POM121: variants seen among roughly 807,000 people sequenced by gnomAD.
POM121 encodes nuclear envelope pore membrane protein POM 121.
POM121 carries 32 observed loss-of-function variants against 81.3 expected under a neutral mutation model. That is an observed-to-expected ratio of 0.39 (90% CI 0.30 to 0.53). The LOEUF is 0.53. Ranked by LOEUF, POM121 falls within the 20% of genes least tolerant of loss-of-function variation. The pLI, the probability that POM121 is intolerant of heterozygous loss-of-function variation, is 0.66. For synonymous variants in POM121, 514 were observed against 694.2 expected, an observed-to-expected ratio of 0.74 and a Z score of 4.08; for missense variants, 1,138 against 1,614.6, an observed-to-expected ratio of 0.70 and a Z score of 5.06.
chr7:72,879,791 G>A (rs1789944520), exon 1 of POM121: 1 of 497,976 alleles, frequency 2.0e-6, no homozygotes, highest in Non-Finnish European at 4.0e-6. Context: ...GAGGTGGACG[G>A]GAGGGGACTT....
chr7:72,936,341 CT>C (rs552346464), intron 5 of POM121, among the ~76,000 whole-genome samples: 91 of 145,570 alleles, frequency 6.3e-4, no homozygotes, highest in Non-Finnish European at 7.1e-4. Flanking sequence ...TTTTGTATTC[CT>C]TTTTTTTTTT....
intron 4 of POM121, among the ~76,000 whole-genome samples, chr7:72,919,592 C>T (rs1483541837): frequency 2.6e-5 from 4 of 152,074 alleles, no homozygotes; most frequent in African/African-American, 9.7e-5. Flanking sequence ...AGCAAACCTC[C>T]CAGGCTCAGC....
At chr7:72,884,488 AATATATATTT>A (rs1790482343) in intron 1 of POM121, among the ~76,000 whole-genome samples, 1 of 22,624 alleles carries the variant, frequency 4.4e-5, no homozygotes, top group Non-Finnish European at 8.5e-5. Context: ...ATATACATAT[AATATATATTT>A]GATAGCAAAT....
chr7:72,898,507 C>T (rs1365978244), intron 3 of POM121, among the ~76,000 whole-genome samples: 1 of 152,034 alleles, frequency 6.6e-6, no homozygotes, highest in Non-Finnish European at 1.5e-5. Context: ...GATAAAAATG[C>T]TGGAGTCAGT....
downstream of POM121, chr7:72,948,539 T>C (rs782028049): frequency 7.4e-6 from 12 of 1,613,432 alleles, no homozygotes; most frequent in Middle Eastern, 1.6e-4. Flanking sequence ...CTCTTCTTTC[T>C]CTTTGGGGCT....
intron 3 of POM121, among the ~76,000 whole-genome samples, chr7:72,901,915 C>T (rs2129575654): frequency 6.6e-6 from 1 of 152,076 alleles, no homozygotes; most frequent in African/African-American, 2.4e-5. Flanking sequence ...GAGTTCAAGA[C>T]CAGCCTGGCC....
At chr7:72,936,015 T>C (rs1324895573) in intron 5 of POM121, among the ~76,000 whole-genome samples, 5 of 150,614 alleles carry the variant, frequency 3.3e-5, no homozygotes, top group Admixed American at 3.3e-4. Flanking sequence ...GGCTAGGACT[T>C]TAAGTTGAAT....
At chr7:72,948,547 G>A, downstream of POM121, 1 of 1,613,518 alleles carries the variant, frequency 6.2e-7, no homozygotes, top group South Asian at 1.1e-5. Flanking sequence ...TCTCTTTGGG[G>A]CTGGGCTGGG....
At chr7:72,910,815 G>A (rs1793732683) in intron 3 of POM121, among the ~76,000 whole-genome samples, 1 of 151,960 alleles carries the variant, frequency 6.6e-6, no homozygotes, top group African/African-American at 2.4e-5. Flanking sequence ...GATGAAGGGG[G>A]CACTGGGATT....
chr7:72,902,906 CTT>C (rs1199441478), intron 3 of POM121, among the ~76,000 whole-genome samples: 1 of 152,170 alleles, frequency 6.6e-6, no homozygotes, highest in Non-Finnish European at 1.5e-5. Context: ...TCCTTTAACT[CTT>C]TATTCATCGT....
At chr7:72,883,136 C>T (rs1425316671) in intron 1 of POM121, among the ~76,000 whole-genome samples, 1 of 152,120 alleles carries the variant, frequency 6.6e-6, no homozygotes, top group Non-Finnish European at 1.5e-5. Context: ...ATCTCCTGGG[C>T]CCACACGATC....
chr7:72,950,285 C>G, downstream of POM121: 1 of 1,107,740 alleles, frequency 9.0e-7, no homozygotes, highest in Non-Finnish European at 1.3e-6. Context: ...ACAAATGTTA[C>G]CACAGCTATG....
At chr7:72,912,613 A>T (rs1793911621) in intron 3 of POM121, among the ~76,000 whole-genome samples, 1 of 152,136 alleles carries the variant, frequency 6.6e-6, no homozygotes, top group South Asian at 2.1e-4. Flanking sequence ...CGTATCTACT[A>T]AAACGCGCAC....
chr7:72,921,383 A>G (rs1200427568), upstream of POM121, among the ~76,000 whole-genome samples: 1 of 152,126 alleles, frequency 6.6e-6, no homozygotes, highest in Admixed American at 6.5e-5. Flanking sequence ...CCCTCTTTGC[A>G]TAGTGCCCTC....
At position 72,890,974 on chromosome 7, in the gene POM121, C is replaced by T. The variant is rs1291715082; in HGVS notation, c.-352C>T. 76 of 1,300,408 alleles carry T rather than the reference C, an allele frequency of 5.8e-5. No individual in the cohort carries two copies. In the South Asian group the frequency reaches 6.5e-4, roughly 11 times the overall value. 80.6% of individuals were successfully genotyped at this position (1,300,408 alleles called of 1,614,324 possible). Reference sequence around the variant, plus strand: ...ATCTTGTACTTCGGAGATCTGAAGCCGAGCAACTTGCCCAAGTCCTTCTTC... The same window carrying T: ...ATCTTGTACTTCGGAGATCTGAAGCTGAGCAACTTGCCCAAGTCCTTCTTC... On this transcript the variant is annotated 5_prime_UTR_variant, in exon 3 of 16. Coordinates refer to the POM121 transcript ENST00000395270.
Position 72,939,383 on chromosome 7 carries a change from C to T in POM121, c.1415C>T (p.Ala472Val). The T allele has an allele frequency of 6.2e-7, 1 of 1,613,886 alleles. No individual in the cohort carries two copies. The highest frequency in any genetic ancestry group is 8.5e-7 in the Non-Finnish European group (1 of 1,179,844). Residue 472 changes from alanine to valine, a missense_variant, in exon 7 of 13, where the codon GCA becomes GTA. Transcript: ENST00000434423. ...TCCAGTTCTTCAACTCCATTGGCAG[C>T]AGACAGGGAGTCCCAGGGAGAAAAG... ...HHSSSSTPLA[A>V]DRESQGEKAA...
chr7:72,945,609 C>T lies in POM121; in HGVS notation c.3553C>T (p.Leu1185=). Residue 1185 remains leucine (L), a synonymous_variant, in exon 12 of 13, where the codon CTG becomes TTG. Transcript: ENST00000434423. ...AGGCACCGCCACCCCCACCTTTGGT[C>T]TGAACACCCCTGCGCCTGGAGTGGG... ...FGGTATPTFG[L]NTPAPGVGTS... is the part of the protein sequence containing the mutation. 2.1e-5 allele frequency: 34 copies of T among 1,613,570 alleles called. No individual in the cohort carries two copies. Among genetic ancestry groups the T allele is most frequent in the Non-Finnish European group, 2.8e-5 (33 of 1,179,714 alleles).
chr7:72,949,965 G>A, downstream of POM121: 3 of 1,609,760 alleles, frequency 1.9e-6, no homozygotes, highest in South Asian at 2.2e-5. Context: ...AGCTGGCCTG[G>A]CAGGCAGAAC....
rs369675743 is a variant in POM121, at chr7:72,906,144, TA to T, written c.-215-7619del. ...TTATCTCTGCAGTCAGCCAGCCACCTAACATCGATTTCCTTAAATAGGGGGC... is the reference window on the plus strand; with the variant it reads ...TTATCTCTGCAGTCAGCCAGCCACCTACATCGATTTCCTTAAATAGGGGGC... On this transcript the variant is annotated intron_variant, in intron 3 of 15. Transcript: ENST00000395270. Among the ~76,000 whole-genome samples the T allele has an allele frequency of 1.9e-3, 282 of 152,334 alleles. 1 individual carries two copies. Among genetic ancestry groups the T allele is most frequent in the Middle Eastern group, 0.01 (3 of 294 alleles).
Sources: gnomAD v4.1 joint callset for allele counts (sites outside exome capture counted in the v4.1 genomes callset) on GRCh38, gnomAD v4.1.1 for gene constraint, MANE v1.5 for transcripts, NCBI Gene and HGNC (gene_info 2026-07-23, HGNC 2026-07-21) for gene names.